The following GMDS variants were observed in gnomAD, a reference collection of about 807,000 sequenced individuals.
GMDS encodes the protein GDP-mannose 4,6 dehydratase.
A neutral mutation model predicts 49.9 loss-of-function variants in GMDS; 20 were observed. The observed-to-expected ratio is 0.40, with a 90% confidence interval of 0.28 to 0.58. The LOEUF (loss-of-function observed/expected upper bound fraction) is 0.58. Ranked by LOEUF, GMDS falls within the 20% of genes least tolerant of loss-of-function variation. The probability of loss-of-function intolerance (pLI) is 0.42; values close to 1 mark genes in which losing one functional copy is unlikely to be tolerated. For synonymous variants in GMDS, 177 were observed against 178.6 expected (o/e 0.99, Z 0.07); for missense variants, 362 against 481.4 (o/e 0.75, Z 2.32).
chr6:1,646,248 C>T (rs75854049), intron 9 of GMDS, among the ~76,000 whole-genome samples: 241 of 152,316 alleles, frequency 1.6e-3, no homozygotes, highest in African/African-American at 4.9e-3. Context: ...GGCCCAAGCC[C>T]TCAGTTCCCG....
At chr6:2,195,099 T>C (rs1348177983) in intron 1 of GMDS, among the ~76,000 whole-genome samples, 1 of 152,240 alleles carries the variant, frequency 6.6e-6, no homozygotes, top group Admixed American at 6.5e-5. Flanking sequence ...AAAATCATAG[T>C]AATTTTAAAA....
In GMDS at chr6:1,766,074, T is replaced by C. The variant is rs1189479139; in HGVS notation, c.772-23488A>G. 6.6e-6 allele frequency among the ~76,000 whole-genome samples: 1 copy of C among 151,656 alleles called. No homozygotes were observed. The highest frequency in any genetic ancestry group is 2.4e-5 in the African/African-American group (1 of 41,396). On this transcript the variant is annotated intron_variant, in intron 7 of 10. Coordinates refer to ENST00000380815, the MANE Select transcript of GMDS (RefSeq NM_001500.4). The surrounding 1 kb of genome is among the most constrained non-coding windows in gnomAD (Gnocchi z 4.5). ...CCCAGTGGGCAGAGCGGCTGCACTA[T>C]ATGAAAACGACACATGTGAAATGGA...
chr6:1,992,628 C>T (rs940122567), intron 4 of GMDS, among the ~76,000 whole-genome samples: 11 of 149,624 alleles, frequency 7.4e-5, no homozygotes, highest in Non-Finnish European at 1.6e-4. Flanking sequence ...CTCTGTGACC[C>T]ATGCCCACAC....
chr6:2,115,457 A>G (rs1774794475), intron 4 of GMDS, among the ~76,000 whole-genome samples: 1 of 152,252 alleles, frequency 6.6e-6, no homozygotes, highest in South Asian at 2.1e-4. Flanking sequence ...AAAACATTTA[A>G]TTCACAATCT....
chr6:1,963,475 G>A (rs139546257), intron 4 of GMDS, among the ~76,000 whole-genome samples: 131 of 152,298 alleles, frequency 8.6e-4, no homozygotes, highest in African/African-American at 3.0e-3. Flanking sequence ...CCAAGATCAG[G>A]AAGATTTACT....
chr6:1,888,145 T>A (rs982499086), intron 7 of GMDS, among the ~76,000 whole-genome samples: 3 of 149,950 alleles, frequency 2.0e-5, no homozygotes, highest in African/African-American at 7.3e-5. Context: ...TTTTTTTTTT[T>A]TTTTTGAAGA....
At chr6:2,202,490 C>G (rs1779595816) in intron 1 of GMDS, among the ~76,000 whole-genome samples, 1 of 147,770 alleles carries the variant, frequency 6.8e-6, no homozygotes, top group Non-Finnish European at 1.5e-5. Flanking sequence ...GCTTACATGT[C>G]TGGTTTCAAC....
chr6:2,054,889 A>T (rs1365368525), intron 4 of GMDS, among the ~76,000 whole-genome samples: 2 of 152,108 alleles, frequency 1.3e-5, no homozygotes, highest in Non-Finnish European at 2.9e-5. Flanking sequence ...GAGTAGACCC[A>T]GATGTTGAAA....
At chr6:1,854,674 C>T (rs1757866610) in intron 7 of GMDS, among the ~76,000 whole-genome samples, 1 of 152,150 alleles carries the variant, frequency 6.6e-6, no homozygotes. Context: ...TGTGGGCACA[C>T]CAGATGCTGC....
At chr6:1,961,025 T>C (rs985620221) in intron 4 of GMDS, 59 bp from the exon 5 acceptor site, 43 of 1,008,608 alleles carry the variant, frequency 4.3e-5, no homozygotes, top group Non-Finnish European at 4.3e-6. Flanking sequence ...AAAGGTGCTG[T>C]CAGCAGGAAC....
At chr6:1,973,600 A>G (rs1055279137) in intron 4 of GMDS, among the ~76,000 whole-genome samples, 1 of 152,212 alleles carries the variant, frequency 6.6e-6, no homozygotes, top group Non-Finnish European at 1.5e-5. Context: ...AAGTCACTTC[A>G]GCTGCATATA....
chr6:2,023,280 T>C (rs1385678734), intron 4 of GMDS, among the ~76,000 whole-genome samples: 1 of 152,250 alleles, frequency 6.6e-6, no homozygotes, highest in Non-Finnish European at 1.5e-5. Flanking sequence ...CTGCCATCTT[T>C]ACATATACTC....
intron 7 of GMDS, among the ~76,000 whole-genome samples, chr6:1,745,235 G>C (rs994729852): frequency 6.6e-6 from 1 of 152,204 alleles, no homozygotes; most frequent in Non-Finnish European, 1.5e-5. Context: ...CTGTGTTAGA[G>C]TGGTCTCAAA....
intron 1 of GMDS, among the ~76,000 whole-genome samples, chr6:2,131,062 C>T (rs1775711126): frequency 6.6e-6 from 1 of 152,074 alleles, no homozygotes; most frequent in African/African-American, 2.4e-5. Context: ...ATAAAAGCCA[C>T]TCAAAAACTG....
At chr6:1,664,342 C>T (rs1581429534) in intron 9 of GMDS, among the ~76,000 whole-genome samples, 2 of 152,202 alleles carry the variant, frequency 1.3e-5, no homozygotes, top group South Asian at 4.1e-4. Context: ...TCTGGACCCT[C>T]TCACCTGCCC....
intron 7 of GMDS, among the ~76,000 whole-genome samples, chr6:1,922,812 C>A (rs1412822604): frequency 6.6e-6 from 1 of 152,176 alleles, no homozygotes; most frequent in Non-Finnish European, 1.5e-5. Context: ...CCCGTCTCTG[C>A]TGAGAGCCAT....
At chr6:1,956,416 A>C (rs902961628) in intron 6 of GMDS, among the ~76,000 whole-genome samples, 1 of 152,230 alleles carries the variant, frequency 6.6e-6, no homozygotes, top group South Asian at 2.1e-4. Context: ...AGATTAAAAA[A>C]TACTTTTCCC....
chr6:2,115,720 T>C (rs1245847234), intron 4 of GMDS, 51 bp downstream of exon 4: 1 of 939,184 alleles, frequency 1.1e-6, no homozygotes, highest in South Asian at 1.3e-5. Flanking sequence ...ACAAGTAAAA[T>C]ACAGAACGCC....
intron 4 of GMDS, among the ~76,000 whole-genome samples, chr6:2,003,017 C>A (rs1766925308): frequency 1.3e-5 from 2 of 152,010 alleles, no homozygotes. Flanking sequence ...TGAAGAATCC[C>A]TGTTTGAACA....
Sources: allele counts gnomAD v4.1 joint callset (sites outside exome capture counted in the v4.1 genomes callset), GRCh38; gene constraint gnomAD v4.1.1; non-coding constraint Gnocchi (gnomAD v3.1); transcripts MANE v1.5; gene names NCBI Gene and HGNC (gene_info 2026-07-23, HGNC 2026-07-21).